Variants in TSGA10 observed in about 807,000 individuals in gnomAD.
The protein encoded by TSGA10 is testis-specific gene 10 protein.
A neutral mutation model predicts 96.6 loss-of-function variants in TSGA10; 43 were observed. That is an observed-to-expected ratio of 0.44 (90% CI 0.35 to 0.57). The LOEUF is 0.57. Ranked by LOEUF, TSGA10 falls within the 20% of genes least tolerant of loss-of-function variation. The pLI is 0.01. For missense variants in TSGA10, 703 were observed against 834.4 expected (o/e 0.84, Z 1.94); for synonymous variants, 229 against 269.9 (o/e 0.85, Z 1.48).
chr2:99,141,329 C>G (rs1216277243), intron 1 of TSGA10: 1 of 307,294 alleles, frequency 3.3e-6, no homozygotes, highest in Admixed American at 5.4e-5. Flanking sequence ...GTGGCCCCGC[C>G]CTCACGCTCT....
chr2:99,077,127 CTTTTTTTTTTTTT>C lies in TSGA10; in HGVS notation c.882+1519_882+1531del, dbSNP rs35876721. Among the ~76,000 whole-genome samples the C allele has an allele frequency of 4.3e-3, 306 of 70,478 alleles. 1 individual carries two copies. The highest frequency in any genetic ancestry group is 0.016 in the African/African-American group (278 of 17,724). 46.2% of individuals were successfully genotyped at this position (70,478 alleles called of 152,430 possible). On this transcript the variant is annotated intron_variant, in intron 12 of 20. Transcript: ENST00000393483. The stretch of plus-strand genomic sequence containing the variant: ...GGCTTTGAGAAGGCGGACCATTCAC[CTTTTTTTTTTTTT>C]TTTTTTTTTTTTTTTTTTGAGACAG...
At chr2:99,027,834 G>A (rs2080768466) in intron 17 of TSGA10, among the ~76,000 whole-genome samples, 1 of 152,122 alleles carries the variant, frequency 6.6e-6, no homozygotes, top group Non-Finnish European at 1.5e-5. Flanking sequence ...GCATTTTCCT[G>A]GCTTTTTGAG....
At chr2:99,106,238 G>A (rs901260009) in intron 7 of TSGA10, among the ~76,000 whole-genome samples, 4 of 151,964 alleles carry the variant, frequency 2.6e-5, no homozygotes, top group African/African-American at 9.7e-5. Flanking sequence ...ATCACAGTTC[G>A]CTGCACAGGT....
chr2:99,102,633 C>A, intron 10 of TSGA10: 1 of 1,614,120 alleles, frequency 6.2e-7, no homozygotes, highest in South Asian at 1.1e-5. Context: ...TAGGCCTGAA[C>A]TGCTTGAGTC....
rs772689364 is a variant in TSGA10, at chr2:99,105,619, T to A, written c.289A>T (p.Ile97Phe). The A allele has an allele frequency of 6.2e-7, 1 of 1,609,836 alleles. No homozygotes were observed. The highest frequency in any genetic ancestry group is 1.3e-5 in the African/African-American group (1 of 74,896). The change falls in exon 8 of 21, where the codon ATT becomes TTT. Residue 97 changes from isoleucine (I) to phenylalanine (F), a missense_variant. By Grantham distance (21) the Ile-to-Phe change is conservative. Transcript: ENST00000393483. ...CTTTCAGTCTCCACTCGCCGGAGAA[T>A]AGCATGTGCCGTTGTTGATTTAGGA... ...KSPKSTTAHA[I>F]LRRVETERDV...
intron 10 of TSGA10, among the ~76,000 whole-genome samples, chr2:99,088,260 G>C (rs796387401): frequency 6.6e-6 from 1 of 152,176 alleles, no homozygotes; most frequent in African/African-American, 2.4e-5. Flanking sequence ...TGAAAACAGA[G>C]AGACCACATT....
At chr2:99,094,121 C>A (rs372961060) in intron 10 of TSGA10, among the ~76,000 whole-genome samples, 1 of 152,020 alleles carries the variant, frequency 6.6e-6, no homozygotes, top group African/African-American at 2.4e-5. Context: ...AACTGATCTT[C>A]GACAAAGCAA....
intron 10 of TSGA10, among the ~76,000 whole-genome samples, chr2:99,087,012 G>A (rs2088545985): frequency 6.6e-6 from 1 of 151,874 alleles, no homozygotes; most frequent in South Asian, 2.1e-4. Context: ...AGACCATCCT[G>A]GCTAACACAG....
chr2:99,091,560 C>G (rs768089655), intron 10 of TSGA10, among the ~76,000 whole-genome samples: 1 of 152,100 alleles, frequency 6.6e-6, no homozygotes, highest in Non-Finnish European at 1.5e-5. Flanking sequence ...TCAAGAGACT[C>G]ACCTAACACA....
At chr2:99,068,841 T>C (rs199536257) in intron 15 of TSGA10, 47 bp downstream of exon 15, 22 of 892,014 alleles carry the variant, frequency 2.5e-5, no homozygotes, top group African/African-American at 2.1e-4. Flanking sequence ...AAATTAACTC[T>C]AGTGAAAACT....
chr2:99,081,062 A>G (rs1403701924), intron 11 of TSGA10, among the ~76,000 whole-genome samples: 3 of 152,144 alleles, frequency 2.0e-5, no homozygotes, highest in African/African-American at 7.2e-5. Flanking sequence ...TTTAGCTATT[A>G]CTTCATTGAT....
chr2:99,105,240 G>A, intron 9 of TSGA10, 119 bp downstream of exon 9: 1 of 759,208 alleles, frequency 1.3e-6, no homozygotes, highest in Non-Finnish European at 2.0e-6. Flanking sequence ...AAGTATTTTA[G>A]GACTATAAAC....
At chr2:99,141,581 C>G (rs1469706163) in intron 1 of TSGA10, 1 of 79,286 alleles carries the variant, frequency 1.3e-5, no homozygotes, top group Non-Finnish European at 3.5e-5. Flanking sequence ...CCACGCAGCG[C>G]CTAGACGCCC....
intron 17 of TSGA10, among the ~76,000 whole-genome samples, chr2:99,026,127 A>G (rs1412916169): frequency 6.6e-6 from 1 of 152,108 alleles, no homozygotes; most frequent in African/African-American, 2.4e-5. Flanking sequence ...TTGAAATCTT[A>G]TATTTCCTTG....
intron 15 of TSGA10, among the ~76,000 whole-genome samples, chr2:99,066,323 C>T (rs1253370578): frequency 1.3e-5 from 2 of 152,170 alleles, no homozygotes; most frequent in Non-Finnish European, 2.9e-5. Context: ...TATGTGTTTT[C>T]CATGATTGTA....
At chr2:99,097,001 T>C (rs1224962806) in intron 10 of TSGA10, among the ~76,000 whole-genome samples, 1 of 152,086 alleles carries the variant, frequency 6.6e-6, no homozygotes, top group African/African-American at 2.4e-5. Flanking sequence ...AAGTGGGGAC[T>C]CCCTCTAAGA....
intron 4 of TSGA10, among the ~76,000 whole-genome samples, chr2:99,115,225 G>C (rs528148253): frequency 3.2e-4 from 49 of 152,102 alleles, no homozygotes; most frequent in African/African-American, 1.2e-3. Context: ...AAGCCACCAT[G>C]CTTGGCCCAA....
At chr2:99,130,594 G>A (rs1018193205) in intron 1 of TSGA10, among the ~76,000 whole-genome samples, 1 of 152,062 alleles carries the variant, frequency 6.6e-6, no homozygotes, top group African/African-American at 2.4e-5. Context: ...TCTGATGATA[G>A]TTTCTTTTGC....
At position 99,067,528 on chromosome 2, in the gene TSGA10, G is replaced by C. The variant is rs55781032; in HGVS notation, c.1218+1360C>G. 5.2e-3 allele frequency among the ~76,000 whole-genome samples: 788 copies of C among 152,328 alleles called. 3 individuals carry two copies. The highest frequency in any genetic ancestry group is 7.5e-3 in the Non-Finnish European group (510 of 68,022). ...ACAGACAAGGGAGATAAAGGGAAGT[G>C]TTTAACACTGGCTGAAAGCTTACTA... On this transcript the variant is annotated intron_variant, in intron 15 of 20. Coordinates refer to ENST00000393483, the MANE Select transcript of TSGA10 (RefSeq NM_025244.4).
Sources: allele counts gnomAD v4.1 joint callset (sites outside exome capture counted in the v4.1 genomes callset), GRCh38; gene constraint gnomAD v4.1.1; transcripts MANE v1.5; gene names NCBI Gene and HGNC (gene_info 2026-07-23, HGNC 2026-07-21).